Variants in KIAA0586 observed in about 807,000 individuals in gnomAD.
KIAA0586 encodes KIAA0586, also known as protein TALPID3.
Under a neutral mutation model 169.8 loss-of-function variants are expected in KIAA0586, and 144 were observed. The observed-to-expected ratio is 0.85, with a 90% CI of 0.74 to 0.97. The LOEUF (loss-of-function observed/expected upper bound fraction) is 0.97. Among genes scored for constraint, KIAA0586 ranks in the 50% least tolerant of loss-of-function variants. The pLI, the probability that KIAA0586 is intolerant of heterozygous loss-of-function variation, is 0.00. For synonymous variants in KIAA0586, 625 were observed against 612.4 expected (o/e 1.02, Z -0.30); for missense variants, 1,854 against 1,823.0 (o/e 1.02, Z -0.31).
At chr14:58,497,607 C>T (rs1170780845) in intron 26 of KIAA0586, among the ~76,000 whole-genome samples, 1 of 151,754 alleles carries the variant, frequency 6.6e-6, no homozygotes, top group East Asian at 1.9e-4. Context: ...TTGCGATCTG[C>T]CCGCCTTGAC....
At chr14:58,518,452 G>T (rs1284355511) in intron 29 of KIAA0586, among the ~76,000 whole-genome samples, 1 of 152,156 alleles carries the variant, frequency 6.6e-6, no homozygotes, top group Non-Finnish European at 1.5e-5. Context: ...AAGAAAAATT[G>T]TATGTGCTAA....
intron 27 of KIAA0586, among the ~76,000 whole-genome samples, chr14:58,500,853 T>C (rs2043520875): frequency 1.3e-5 from 2 of 152,122 alleles, no homozygotes; most frequent in Non-Finnish European, 2.9e-5. Context: ...AAAGGTCACT[T>C]GTTTACAGTA....
chr14:58,491,626 A>G (rs1047529509), intron 25 of KIAA0586, among the ~76,000 whole-genome samples: 1 of 152,202 alleles, frequency 6.6e-6, no homozygotes, highest in African/African-American at 2.4e-5. Flanking sequence ...AGGGTCTTCA[A>G]TACCAATGCC....
chr14:58,531,954 A>T (rs1199733995), intron 29 of KIAA0586, among the ~76,000 whole-genome samples: 3 of 151,624 alleles, frequency 2.0e-5, no homozygotes. Flanking sequence ...CAAACACCTC[A>T]TGTTCTCACT....
chr14:58,470,313 CTA>C (rs1195463352), intron 16 of KIAA0586, among the ~76,000 whole-genome samples: 3 of 151,874 alleles, frequency 2.0e-5, no homozygotes, highest in Admixed American at 6.6e-5. Context: ...AGAATGAAAA[CTA>C]TTTTAAATTT....
At chr14:58,438,842 G>A (rs1335054588) in intron 4 of KIAA0586, among the ~76,000 whole-genome samples, 1 of 152,170 alleles carries the variant, frequency 6.6e-6, no homozygotes, top group Admixed American at 6.5e-5. Flanking sequence ...TTGTGGGCAT[G>A]GCATGGTATA....
intron 29 of KIAA0586, among the ~76,000 whole-genome samples, chr14:58,526,034 C>T (rs1253052598): frequency 6.6e-6 from 1 of 152,224 alleles, no homozygotes; most frequent in Non-Finnish European, 1.5e-5. Flanking sequence ...GGCAGGGCAT[C>T]TCTGAAAGAA....
At chr14:58,518,510 G>T (rs1383930657) in intron 29 of KIAA0586, among the ~76,000 whole-genome samples, 1 of 152,146 alleles carries the variant, frequency 6.6e-6, no homozygotes, top group Non-Finnish European at 1.5e-5. Context: ...TTAGATTTCA[G>T]AAAGGGAAGA....
In KIAA0586 at chr14:58,432,429, G is replaced by A; in HGVS notation, c.382G>A (p.Asp128Asn). 2 of 1,569,532 alleles carry A rather than the reference G, an allele frequency of 1.3e-6. No individual in the cohort carries two copies. Among genetic ancestry groups the A allele is most frequent in the Non-Finnish European group, 1.7e-6 (2 of 1,158,042 alleles). The stretch of plus-strand genomic sequence containing the variant: ...TTCTCAGTATACAATGGGACAGAAA[G>A]ATGCTCTAAGAACAGTTTTAAAGCA... ...FISQYTMGQK[D>N]ALRTVLKQKA... Residue 128 changes from aspartate to asparagine, a missense_variant, in exon 4 of 31, where the codon GAT becomes AAT. Transcript: ENST00000652326.
Position 58,458,528 on chromosome 14 carries a change from AT to A in KIAA0586, c.1642del (p.Ser548LeufsTer31). ...GACAGTGGATGAATGGATTAAAACT[AT>A]TTCTGCAGAAATTCAGGTATGTCTT... ...RKTVDEWIKT[I>X]SAEIQDELSR... On this transcript the variant is annotated frameshift_variant, in exon 12 of 31. Coordinates refer to ENST00000652326, the MANE Select transcript of KIAA0586 (RefSeq NM_001329943.3). LOFTEE classifies it high-confidence loss of function. 1 of 1,538,104 alleles carries A rather than the reference AT, an allele frequency of 6.5e-7. No homozygotes were observed. Among genetic ancestry groups the A allele is most frequent in the East Asian group, 2.4e-5 (1 of 41,016 alleles).
chr14:58,507,668 T>C (rs2044096994), intron 27 of KIAA0586, among the ~76,000 whole-genome samples: 1 of 152,144 alleles, frequency 6.6e-6, no homozygotes, highest in African/African-American at 2.4e-5. Context: ...TGTACTCATA[T>C]ATGAAAGTGC....
At chr14:58,434,412 A>G (rs533937261) in intron 4 of KIAA0586, among the ~76,000 whole-genome samples, 75 of 152,312 alleles carry the variant, frequency 4.9e-4, no homozygotes, top group Middle Eastern at 6.8e-3. Context: ...AAAAGCAGTC[A>G]TGATTTTGTT....
At chr14:58,470,215 G>A (rs923463696) in intron 16 of KIAA0586, among the ~76,000 whole-genome samples, 6 of 151,926 alleles carry the variant, frequency 3.9e-5, no homozygotes, top group Non-Finnish European at 8.8e-5. Context: ...TTGTTGAAAT[G>A]TTATATAGTC....
chr14:58,458,374 G>A (rs2040045659), intron 11 of KIAA0586, 99 bp from the exon 12 acceptor site: 2 of 665,886 alleles, frequency 3.0e-6, no homozygotes, highest in Middle Eastern at 2.9e-4. Context: ...AAAGATATTA[G>A]GATAGCAGGT....
chr14:58,491,341 A>G (rs536280590), intron 25 of KIAA0586, among the ~76,000 whole-genome samples: 4 of 152,350 alleles, frequency 2.6e-5, no homozygotes, highest in South Asian at 4.1e-4. Flanking sequence ...GTCAAATACA[A>G]TAGTACAATC....
At chr14:58,552,693 A>T (rs2047221953), downstream of KIAA0586, among the ~76,000 whole-genome samples, 1 of 152,200 alleles carries the variant, frequency 6.6e-6, no homozygotes, top group Non-Finnish European at 1.5e-5. Flanking sequence ...ATGAGACTGA[A>T]CAGGACTTAA....
rs576443088 is a variant in KIAA0586 at position 58,528,994 on chromosome 14, T to A, written c.4430-11077T>A. Among the ~76,000 whole-genome samples, 183 of 152,076 alleles carry A rather than the reference T, an allele frequency of 1.2e-3. 1 individual carries two copies. The highest frequency in any genetic ancestry group is 3.3e-3 in the African/African-American group (137 of 41,494). ...AAGAAGAAAAGAGAGAAGAATCTAA[T>A]AGACATAATAAAAAATGATAAAGGG... is the stretch of plus-strand genomic sequence containing the variant. On this transcript the variant is annotated intron_variant, in intron 29 of 30. Coordinates refer to ENST00000652326, the MANE Select transcript of KIAA0586 (RefSeq NM_001329943.3).
At chr14:58,501,611 T>TTTG (rs1555396874) in intron 27 of KIAA0586, among the ~76,000 whole-genome samples, 3 of 134 alleles carry the variant, frequency 0.022, no homozygotes, top group African/African-American at 0.075. Context: ...ATTGTAGGTA[T>TTTG]TTAATTGGAA....
intron 2 of KIAA0586, 42 bp from the exon 3 acceptor site, chr14:58,430,606 A>G (rs1446347966): frequency 2.5e-6 from 3 of 1,223,352 alleles, no homozygotes; most frequent in Non-Finnish European, 2.4e-6. Context: ...ATAATAAATC[A>G]TGAAGTTTAT....
Sources: allele counts gnomAD v4.1 joint callset (sites outside exome capture counted in the v4.1 genomes callset), GRCh38; gene constraint gnomAD v4.1.1; transcripts MANE v1.5; gene names NCBI Gene and HGNC (gene_info 2026-07-23, HGNC 2026-07-21).